The following XIRP1 variants were observed in gnomAD, a reference collection of about 807,000 sequenced individuals.
XIRP1 encodes the protein xin actin-binding repeat-containing protein 1.
For missense variants in XIRP1, 2,378 were observed against 2,345.4 expected, an observed-to-expected ratio of 1.01 and a Z score of -0.29; for synonymous variants, 984 against 947.0, an observed-to-expected ratio of 1.04 and a Z score of -0.72.
chr3:39,184,092 G>C lies in XIRP1; in HGVS notation c.5354C>G (p.Ser1785Cys). 6.2e-7 allele frequency: 1 copy of C among 1,605,558 alleles called. No homozygotes were observed. Among genetic ancestry groups the C allele is most frequent in the Non-Finnish European group, 8.5e-7 (1 of 1,173,820 alleles). The change falls in exon 2 of 2, where the codon TCT becomes TGT. Residue 1785 changes from serine to cysteine, a missense_variant. Transcript: ENST00000340369. ...VDQFGNTVLM[S>C]STTVTEQAEP... ...TGCCTGCTCGGTGACTGTGGTGGAA[G>C]ACATGAGGACTGTGTTCCCAAACTG...
In XIRP1 at chr3:39,186,685, A is replaced by T; in HGVS notation, c.2761T>A (p.Ser921Thr). The T allele has an allele frequency of 1.2e-6, 2 of 1,613,876 alleles. No homozygotes were observed. Among genetic ancestry groups the T allele is most frequent in the Non-Finnish European group, 1.7e-6 (2 of 1,180,002 alleles). Residue 921 changes from serine (S) to threonine (T), a missense_variant, in exon 2 of 2, where the codon TCT becomes ACT. Transcript: ENST00000340369. Reference protein sequence around the residue: ...SLQPRLTSKASERSSVQLLAS... With the variant: ...SLQPRLTSKATERSSVQLLAS... ...AACAGCTGCACGCTGCTCCTCTCAGAGGCCTTGCTAGTTAGCCGGGGCTGC... is the reference window on the plus strand; with the variant it reads ...AACAGCTGCACGCTGCTCCTCTCAGTGGCCTTGCTAGTTAGCCGGGGCTGC...
Position 39,184,255 on chromosome 3 carries a change from G to C in XIRP1, c.5191C>G (p.Pro1731Ala). ...CTGGCTGAGGGAGGGGCAGGTTCAG[G>C]TTGCACAGAGCACTGGGTGATGTCC... ...KKDITQCSVQ[P>A]EPAPPSASPL... The change falls in exon 2 of 2, where the codon CCT becomes GCT. Residue 1731 changes from proline (P) to alanine (A), a missense_variant. Pro to Ala is a conservative substitution (Grantham distance 27). Transcript: ENST00000340369. The C allele has an allele frequency of 1.2e-6, 2 of 1,614,178 alleles. No homozygotes were observed. The highest frequency in any genetic ancestry group is 1.7e-6 in the Non-Finnish European group (2 of 1,180,014).
chr3:39,185,896 C>A lies in XIRP1; in HGVS notation c.3550G>T (p.Gly1184Cys), dbSNP rs754063346. 1.2e-6 allele frequency: 2 copies of A among 1,613,584 alleles called. No homozygotes were observed. Among genetic ancestry groups the A allele is most frequent in the Admixed American group, 3.3e-5 (2 of 59,970 alleles). The change falls in exon 2 of 2, where the codon GGC becomes TGC. Residue 1184 changes from glycine to cysteine, a missense_variant. Coordinates refer to ENST00000340369, the MANE Select transcript of XIRP1 (RefSeq NM_194293.4). The stretch of plus-strand genomic sequence containing the variant: ...CCTGGCCCAGTACTCTGACCTGGGC[C>A]TCCCTGGAGTGGGCGGGGAGCCTGG... Reference protein sequence around the residue: ...SVQAPRPLQGGPGQSTGPGRE... With the variant: ...SVQAPRPLQGCPGQSTGPGRE...
At position 39,184,434 on chromosome 3, in the gene XIRP1, G is replaced by A. The variant is rs2039924140; in HGVS notation, c.5012C>T (p.Thr1671Ile). 1 of 1,614,084 alleles carries A rather than the reference G, an allele frequency of 6.2e-7. No homozygotes were observed. Among genetic ancestry groups the A allele is most frequent in the Admixed American group, 1.7e-5 (1 of 60,000 alleles). The part of the protein sequence containing the change: ...PSSRDSPSSP[T>I]FISIQSATRK... The stretch of plus-strand genomic sequence containing the variant: ...TGTGGCCGACTGGATGGAGATAAAT[G>A]TTGGGGAGGAGGGAGAATCTCGGCT... The change falls in exon 2 of 2, where the codon ACA (threonine) becomes ATA (isoleucine). Residue 1671 changes from threonine (T) to isoleucine (I), a missense_variant. Coordinates refer to ENST00000340369, the MANE Select transcript of XIRP1 (RefSeq NM_194293.4).
rs149549006 is a variant in XIRP1, at chr3:39,186,671, G to A, written c.2775C>T (p.Ser925=). 32 of 1,613,810 alleles carry A rather than the reference G, an allele frequency of 2.0e-5. No homozygotes were observed. The highest frequency in any genetic ancestry group is 1.3e-4 in the African/African-American group (10 of 75,030). ...RLTSKASERS[S]VQLLASCIDK... is the part of the protein sequence containing the mutation. ...CTATGCAGCTGGCCAACAGCTGCAC[G>A]CTGCTCCTCTCAGAGGCCTTGCTAG... The change falls in exon 2 of 2, where the codon AGC becomes AGT. Residue 925 remains serine (S), a synonymous_variant. Transcript: ENST00000340369.
chr3:39,190,996 A>G (rs956548599), intron 1 of XIRP1, among the ~76,000 whole-genome samples: 4 of 152,158 alleles, frequency 2.6e-5, no homozygotes, highest in Admixed American at 2.6e-4. Context: ...CAGGCCAGCC[A>G]GGTGCTAGAA....
Position 39,188,694 on chromosome 3 carries a change from T to A in XIRP1, c.752A>T (p.His251Leu). The change falls in exon 2 of 2, where the codon CAT becomes CTT. Residue 251 changes from histidine (H) to leucine (L), a missense_variant. Coordinates refer to ENST00000340369, the MANE Select transcript of XIRP1 (RefSeq NM_194293.4). ...CAIQDAEGAIHEVKAACREEI... is the reference protein window; with the variant it reads ...CAIQDAEGAILEVKAACREEI... ...CTCCCGGCATGCGGCCTTGACCTCA[T>A]GGATGGCGCCCTCTGCATCCTGGAT... The A allele has an allele frequency of 6.2e-7, 1 of 1,613,640 alleles. No individual in the cohort carries two copies. The highest frequency in any genetic ancestry group is 8.5e-7 in the Non-Finnish European group (1 of 1,180,006).
chr3:39,188,239 G>C lies in XIRP1; in HGVS notation c.1207C>G (p.Gln403Glu), dbSNP rs564516145. The change falls in exon 2 of 2, where the codon CAG becomes GAG. Residue 403 changes from glutamine to glutamate, a missense_variant. Transcript: ENST00000340369. ...TCACCGTCCTGGGGATCCACTCGCT[G>C]TAGGTGACCCACTTGGACCTTGTCT... ...FRDKVQVGHL[Q>E]RVDPQDGEGH... The C allele has an allele frequency of 1.5e-4, 237 of 1,614,204 alleles. 5 individuals are homozygous for C. In the South Asian group the frequency reaches 2.4e-3, roughly 17 times the overall value.
At position 39,189,441 on chromosome 3, in the gene XIRP1, G is replaced by A. The variant is rs145421741; in HGVS notation, c.5C>T (p.Ala2Val). M[A>V]DTQTQVAPTP... is the part of the protein sequence containing the mutation. ...GGGGGCCACCTGTGTCTGGGTGTCG[G>A]CCATCCTTCTGAGAAGAAGGGGCAG... is the stretch of plus-strand genomic sequence containing the variant. The change falls in exon 2 of 2, where the codon GCC (alanine) becomes GTC (valine). Residue 2 changes from alanine (A) to valine (V), a missense_variant. Transcript: ENST00000340369. The A allele has an allele frequency of 6.3e-7, 1 of 1,582,696 alleles. No homozygotes were observed. Among genetic ancestry groups the A allele is most frequent in the East Asian group, 2.2e-5 (1 of 44,592 alleles).
chr3:39,184,585 C>A lies in XIRP1; in HGVS notation c.4861G>T (p.Ala1621Ser), dbSNP rs141766973. Residue 1621 changes from alanine to serine, a missense_variant, in exon 2 of 2, where the codon GCC becomes TCC. Physicochemically the swap from Ala to Ser is moderately conservative, Grantham distance 99. Coordinates refer to ENST00000340369, the MANE Select transcript of XIRP1 (RefSeq NM_194293.4). ...TTTCTGATCTTGACTTGACTCTGGGCCTCAGTGTGGCATTCAACCTTGGCT... is the reference window on the plus strand; with the variant it reads ...TTTCTGATCTTGACTTGACTCTGGGACTCAGTGTGGCATTCAACCTTGGCT... Reference protein sequence around the residue: ...NQAKVECHTEAQSQVKIRNHT... With the variant: ...NQAKVECHTESQSQVKIRNHT... The A allele has an allele frequency of 6.2e-6, 10 of 1,614,006 alleles. No homozygotes were observed. In the East Asian group the frequency reaches 1.1e-4, roughly 18 times the overall value.
rs762669175 is a variant in XIRP1, at chr3:39,183,972, A to G, written c.5474T>C (p.Leu1825Pro). The change falls in exon 2 of 2, where the codon CTG (leucine) becomes CCG (proline). Residue 1825 changes from leucine (L) to proline (P), a missense_variant. Transcript: ENST00000340369. ...CACCTGCACCGTCTCAGCTTCTGTCAGGTCACTGCTGAACCCAGCTGGGCT... is the reference window on the plus strand; with the variant it reads ...CACCTGCACCGTCTCAGCTTCTGTCGGGTCACTGCTGAACCCAGCTGGGCT... Reference protein sequence around the residue: ...LHSPAGFSSDLTEAETVQVSC... With the variant: ...LHSPAGFSSDPTEAETVQVSC... 8 of 1,612,284 alleles carry G rather than the reference A, an allele frequency of 5.0e-6. No individual in the cohort carries two copies. Among genetic ancestry groups the G allele is most frequent in the Non-Finnish European group, 8.5e-7 (1 of 1,179,944 alleles).
chr3:39,192,106 C>T (rs930308470), intron 1 of XIRP1, among the ~76,000 whole-genome samples: 2 of 152,228 alleles, frequency 1.3e-5, no homozygotes, highest in African/African-American at 4.8e-5. Flanking sequence ...CTGAAGCTTC[C>T]CTGGGAGGAA....
chr3:39,185,433 G>C lies in XIRP1; in HGVS notation c.4013C>G (p.Pro1338Arg). 6.2e-7 allele frequency: 1 copy of C among 1,609,066 alleles called. No homozygotes were observed. The highest frequency in any genetic ancestry group is 8.5e-7 in the Non-Finnish European group (1 of 1,177,180). Residue 1338 changes from proline to arginine, a missense_variant, in exon 2 of 2, where the codon CCT becomes CGT. Physicochemically the swap from Pro to Arg is moderately radical, Grantham distance 103. Transcript: ENST00000340369. ...PKPAHLTQSH[P>R]PQRLPKPLPL... Reference sequence around the variant, plus strand: ...CAAGGGCTTGGGCAGCCTCTGAGGAGGGTGGCTCTGGGTTAGGTGTGCAGG... The same window carrying C: ...CAAGGGCTTGGGCAGCCTCTGAGGACGGTGGCTCTGGGTTAGGTGTGCAGG...
Position 39,185,044 on chromosome 3 carries a change from G to T in XIRP1, c.4402C>A (p.Gln1468Lys). 1.3e-6 allele frequency: 2 copies of T among 1,521,282 alleles called. No individual in the cohort carries two copies. Among genetic ancestry groups the T allele is most frequent in the East Asian group, 4.5e-5 (2 of 44,144 alleles). The allele number at this position is 1,521,282 out of a possible 1,614,324, so 94.2% of individuals were successfully genotyped here. Reference sequence around the variant, plus strand: ...TTCAGGAGGCCCTGGAGCTCTTTCTGGTTTCTTTGCAGACTGTCAGGGCTC... The same window carrying T: ...TTCAGGAGGCCCTGGAGCTCTTTCTTGTTTCTTTGCAGACTGTCAGGGCTC... ...PESPDSLQRN[Q>K]KELQGLLNQV... Residue 1468 changes from glutamine to lysine, a missense_variant, in exon 2 of 2, where the codon CAG becomes AAG. Physicochemically the swap from Gln to Lys is moderately conservative, Grantham distance 53. Transcript: ENST00000340369.
chr3:39,184,717 G>A lies in XIRP1; in HGVS notation c.4729C>T (p.Pro1577Ser), dbSNP rs1283469375. ...TTGTGGGCACTGTGGTCTTTTGGAG[G>A]TCCCTGGAAATGGCCTCTGGCACTG... Reference protein sequence around the residue: ...EASARGHFQGPPKDHSAHKIS... With the variant: ...EASARGHFQGSPKDHSAHKIS... Residue 1577 changes from proline (P) to serine (S), a missense_variant, in exon 2 of 2, where the codon CCT (proline) becomes TCT (serine). Physicochemically the swap from Pro to Ser is moderately conservative, Grantham distance 74. Transcript: ENST00000340369. 3 of 1,614,250 alleles carry A rather than the reference G, an allele frequency of 1.9e-6. No homozygotes were observed. Among genetic ancestry groups the A allele is most frequent in the Non-Finnish European group, 2.5e-6 (3 of 1,180,048 alleles).
chr3:39,187,463 G>T lies in XIRP1; in HGVS notation c.1983C>A (p.His661Gln), dbSNP rs767794827. ...CCTGAAGAGGCTCGGTCTCAAAGAC[G>T]TGTCTGTCTGTCTGTCTTTCCCCAG... Reference protein sequence around the residue: ...VPAGERQTDRHVFETEPLQAS... With the variant: ...VPAGERQTDRQVFETEPLQAS... Residue 661 changes from histidine to glutamine, a missense_variant, in exon 2 of 2, where the codon CAC becomes CAA. By Grantham distance (24) the His-to-Gln change is conservative. Coordinates refer to ENST00000340369, the MANE Select transcript of XIRP1 (RefSeq NM_194293.4). 2.5e-6 allele frequency: 4 copies of T among 1,613,802 alleles called. No individual in the cohort carries two copies. Among genetic ancestry groups the T allele is most frequent in the South Asian group, 2.2e-5 (2 of 91,088 alleles).
At position 39,187,689 on chromosome 3, in the gene XIRP1, G is replaced by T. The variant is rs1200503559; in HGVS notation, c.1757C>A (p.Pro586His). 1 of 1,613,876 alleles carries T rather than the reference G, an allele frequency of 6.2e-7. No homozygotes were observed. The highest frequency in any genetic ancestry group is 8.5e-7 in the Non-Finnish European group (1 of 1,180,040). Residue 586 changes from proline to histidine, a missense_variant, in exon 2 of 2, where the codon CCC becomes CAC. Transcript: ENST00000340369. ...GATGGTCTGCACATCGCCCTTTGGG[G>T]GTGCCTCAGGCTGGGGGTCTCCCTG... ...KSQGDPQPEAPPKGDVQTIRW... is the reference protein window; with the variant it reads ...KSQGDPQPEAHPKGDVQTIRW...
chr3:39,191,438 C>T (rs936742406), intron 1 of XIRP1, among the ~76,000 whole-genome samples: 2 of 147,800 alleles, frequency 1.4e-5, no homozygotes, highest in African/African-American at 5.0e-5. Flanking sequence ...GGATGTCAGG[C>T]CTAAGGACCC....
intron 1 of XIRP1, among the ~76,000 whole-genome samples, chr3:39,190,489 G>A (rs1481955721): frequency 6.6e-6 from 1 of 152,070 alleles, no homozygotes; most frequent in African/African-American, 2.4e-5. Context: ...ATGGGATCAG[G>A]GTCCTTTCTG....
Sources: allele counts gnomAD v4.1 joint callset (sites outside exome capture counted in the v4.1 genomes callset), GRCh38; gene constraint gnomAD v4.1.1; transcripts MANE v1.5; gene names NCBI Gene and HGNC (gene_info 2026-07-23, HGNC 2026-07-21).